Variants in SPC25 observed in about 807,000 individuals in gnomAD.
The protein encoded by SPC25 is SPC25 component of NDC80 kinetochore complex.
In SPC25, 22 loss-of-function variants were observed where a neutral mutation model predicts 29.6. The ratio of observed to expected loss-of-function variants is 0.74; its 90% confidence interval spans 0.53 to 1.06. SPC25 has a LOEUF of 1.06. Ranked by LOEUF, SPC25 falls within the 50% of genes least tolerant of loss-of-function variation. The pLI is 0.00. For missense variants in SPC25, 230 were observed against 255.8 expected (o/e 0.90, Z 0.69); for synonymous variants, 91 against 90.4 (o/e 1.01, Z -0.04).
chr2:168,884,303 C>G (rs112226830), intron 3 of SPC25, among the ~76,000 whole-genome samples: 10 of 152,302 alleles, frequency 6.6e-5, no homozygotes, highest in African/African-American at 2.4e-4. Flanking sequence ...ATCTGTAAAA[C>G]AGGGATAATC....
chr2:168,869,328 T>G (rs150759801), downstream of SPC25, among the ~76,000 whole-genome samples: 2,410 of 152,260 alleles, frequency 0.016, 71 homozygotes, highest in African/African-American at 0.055. Context: ...ACCACTCCTA[T>G]TCAACATAGT....
chr2:168,871,542 G>A lies in SPC25; in HGVS notation c.564C>T (p.Ala188=), dbSNP rs373192358. The stretch of plus-strand genomic sequence containing the variant: ...ATTCTGCTAGGCCCTCAAGATGAGG[G>A]GCACTATCTGACACTAGAAAAAAAA... ...EARDYEVSDS[A]PHLEGLAEFQ... The change falls in exon 7 of 7, where the codon GCC becomes GCT. Residue 188 remains alanine (A), a synonymous_variant. Transcript: ENST00000282074. 9 of 1,570,124 alleles carry A rather than the reference G, an allele frequency of 5.7e-6. No homozygotes were observed. The highest frequency in any genetic ancestry group is 1.2e-5 in the South Asian group (1 of 83,894).
rs1183281593 is a variant in SPC25 at position 168,888,957 on chromosome 2, G to GTGTATATA, written c.199+268_199+269insTATATACA. On this transcript the variant is annotated intron_variant, in intron 3 of 6. Coordinates refer to ENST00000282074, the MANE Select transcript of SPC25 (RefSeq NM_020675.4). ...TGTGTGTGTGTGTGTGTGTGTGTGT[G>GTGTATATA]TATATATATATATATACACACACAC... is the stretch of plus-strand genomic sequence containing the variant. Among the ~76,000 whole-genome samples, 15 of 91,676 alleles carry GTGTATATA rather than the reference G, an allele frequency of 1.6e-4. 1 individual carries two copies. Among genetic ancestry groups the GTGTATATA allele is most frequent in the African/African-American group, 6.5e-4 (14 of 21,518 alleles). The allele number at this position is 91,676 out of a possible 152,430, so 60.1% of individuals were successfully genotyped here.
intron 3 of SPC25, among the ~76,000 whole-genome samples, chr2:168,877,926 T>C (rs1690116616): frequency 6.7e-6 from 1 of 148,434 alleles, no homozygotes; most frequent in Non-Finnish European, 1.5e-5. Context: ...CTCAAACTCT[T>C]AGGCTCAAGC....
At chr2:168,877,494 C>G in intron 3 of SPC25, 110 bp from the exon 4 acceptor site, 1 of 1,227,496 alleles carries the variant, frequency 8.1e-7, no homozygotes, top group Non-Finnish European at 1.1e-6. Context: ...AATGTTTTGA[C>G]TGATAAGCAT....
rs758078801 is a variant in SPC25 at position 168,889,552 on chromosome 2, T to C, written c.-14-19A>G. ...GACAATGCTAAAAACAGAATACATA[T>C]TGCATTTTTTAAGTTACTGAAATCA... On this transcript the variant is annotated intron_variant, in intron 1 of 6. Coordinates refer to ENST00000282074, the MANE Select transcript of SPC25 (RefSeq NM_020675.4). 4 of 1,597,474 alleles carry C rather than the reference T, an allele frequency of 2.5e-6. No individual in the cohort carries two copies. Among genetic ancestry groups the C allele is most frequent in the Admixed American group, 1.7e-5 (1 of 58,566 alleles).
rs528988836 is a variant in SPC25 at position 168,889,803 on chromosome 2, C to G, written c.-14-270G>C. On this transcript the variant is annotated intron_variant, in intron 1 of 6. Transcript: ENST00000282074. ...CTCACACGCACTATGACCCTGGGTC[C>G]ATTTTCTCACAAGTAAAACTGTTGA... is the stretch of plus-strand genomic sequence containing the variant. Among the ~76,000 whole-genome samples the G allele has an allele frequency of 2.0e-5, 3 of 152,250 alleles. No individual in the cohort carries two copies. The South Asian group carries it at 6.2e-4, about 32-fold the overall frequency.
intron 4 of SPC25, chr2:168,863,355 T>A (rs1689600390): frequency 1.0e-6 from 1 of 953,852 alleles, no homozygotes; most frequent in South Asian, 4.9e-5. Flanking sequence ...AGAAAAGGAG[T>A]TAATAATTTC....
chr2:168,874,655 T>C (rs1161747126), intron 5 of SPC25, among the ~76,000 whole-genome samples: 1 of 152,070 alleles, frequency 6.6e-6, no homozygotes, highest in Non-Finnish European at 1.5e-5. Flanking sequence ...AGCAAAAGGA[T>C]ATAGCGAAAT....
At chr2:168,867,015 A>G (rs952022735), downstream of SPC25, among the ~76,000 whole-genome samples, 1 of 152,150 alleles carries the variant, frequency 6.6e-6, no homozygotes, top group African/African-American at 2.4e-5. Flanking sequence ...GAACACTTTT[A>G]CACTGTTGGT....
downstream of SPC25, among the ~76,000 whole-genome samples, chr2:168,867,174 A>G (rs1316616669): frequency 6.6e-6 from 1 of 152,172 alleles, no homozygotes; most frequent in East Asian, 1.9e-4. Context: ...ACACATGCAC[A>G]TGTATGTTTA....
chr2:168,877,121 C>T, intron 4 of SPC25, 117 bp downstream of exon 4: 3 of 1,086,184 alleles, frequency 2.8e-6, no homozygotes, highest in Non-Finnish European at 3.9e-6. Flanking sequence ...CTGGTTATGC[C>T]CTGGGGTACT....
intron 4 of SPC25, among the ~76,000 whole-genome samples, chr2:168,863,933 CAG>C (rs1225771098): frequency 6.6e-6 from 1 of 151,210 alleles, no homozygotes. Flanking sequence ...TTTTTTGAGG[CAG>C]AGTCTTGCTC....
At chr2:168,863,441 T>G (rs2685801) in intron 4 of SPC25, 818,495 of 984,802 alleles carry the variant, frequency 0.83, 340,530 homozygotes, top group East Asian at 0.92. Context: ...TGATGCCAAA[T>G]AAAAAGTAGC....
Position 168,873,568 on chromosome 2 carries a change from G to C in SPC25, c.550+17C>G. 6.5e-7 allele frequency: 1 copy of C among 1,541,314 alleles called. No individual in the cohort carries two copies. Among genetic ancestry groups the C allele is most frequent in the Non-Finnish European group, 9.0e-7 (1 of 1,116,292 alleles). ...AACGCCAATCTTAAATACCAGTTAG[G>C]AGATATTAGTACATACCTTCATAGT... On this transcript the variant is annotated intron_variant, in intron 6 of 6. Coordinates refer to ENST00000282074, the MANE Select transcript of SPC25 (RefSeq NM_020675.4).
intron 4 of SPC25, chr2:168,864,741 C>A: frequency 6.9e-7 from 1 of 1,442,342 alleles, no homozygotes; most frequent in East Asian, 2.3e-5. Context: ...CCAAGTAAAT[C>A]CTTGAAGCAG....
At chr2:168,864,871 A>AAGGG (rs1559148771) in intron 4 of SPC25, 1 of 1,613,626 alleles carries the variant, frequency 6.2e-7, no homozygotes, top group South Asian at 1.1e-5. Flanking sequence ...AAGAAGGAGG[A>AAGGG]TGGTGGTTTG....
At chr2:168,865,259 G>T (rs1445231848) in intron 4 of SPC25, 2 of 283,534 alleles carry the variant, frequency 7.1e-6, no homozygotes, top group Non-Finnish European at 1.3e-5. Context: ...AGAAACAGAC[G>T]GAGTCCAAGG....
chr2:168,890,252 C>G, intron 1 of SPC25, 66 bp downstream of exon 1: 1 of 861,590 alleles, frequency 1.2e-6, no homozygotes, highest in Non-Finnish European at 1.4e-6. Flanking sequence ...ATCCCGCCCT[C>G]AAATTCACTT....
Sources: allele counts gnomAD v4.1 joint callset (sites outside exome capture counted in the v4.1 genomes callset), GRCh38; gene constraint gnomAD v4.1.1; transcripts MANE v1.5; gene names NCBI Gene and HGNC (gene_info 2026-07-23, HGNC 2026-07-21).